HMCN1: variants seen among roughly 807,000 people sequenced by gnomAD.
HMCN1 encodes hemicentin 1, also known as hemicentin-1.
Under a neutral mutation model 625.9 loss-of-function variants are expected in HMCN1, and 321 were observed. The ratio of observed to expected loss-of-function variants is 0.51; its 90% CI spans 0.47 to 0.56. HMCN1 has a LOEUF of 0.56. HMCN1 is among the 20% of genes least tolerant of loss of function. The pLI is 0.00. For synonymous variants in HMCN1, 2,425 were observed against 2,417.6 expected, an observed-to-expected ratio of 1.00 and a Z score of -0.09; for missense variants, 6,588 against 6,887.3, an observed-to-expected ratio of 0.96 and a Z score of 1.54.
chr1:185,781,770 AT>A lies in HMCN1; in HGVS notation c.268+46724del, dbSNP rs1273112302. Among the ~76,000 whole-genome samples, 5 of 152,214 alleles carry A rather than the reference AT, an allele frequency of 3.3e-5. No homozygotes were observed. In the East Asian group the frequency reaches 9.6e-4, roughly 29 times the overall value. On this transcript the variant is annotated intron_variant, in intron 1 of 106. Transcript: ENST00000271588. ...GCCGTATAGTGCTTTTCTTCCAACT[AT>A]GTGGTCAATTTTGGAATAAGTGCGA...
At chr1:186,088,330 A>G in intron 62 of HMCN1, 54 bp downstream of exon 62, 1 of 1,609,962 alleles carries the variant, frequency 6.2e-7, no homozygotes, top group Non-Finnish European at 8.5e-7. Flanking sequence ...CTTGCTCTTA[A>G]TTCACTAGAC....
rs553763353 is a variant in HMCN1, at chr1:185,785,232, A to G, written c.268+50185A>G. ...ATAGGTATTGCCCAGGCTGCTTCTT[A>G]AAGTAAATTGATGACATTAGTGGAA... On this transcript the variant is annotated intron_variant, in intron 1 of 106. Coordinates refer to ENST00000271588, the MANE Select transcript of HMCN1 (RefSeq NM_031935.3). 9.2e-5 allele frequency among the ~76,000 whole-genome samples: 14 copies of G among 152,280 alleles called. No homozygotes were observed. In the South Asian group the frequency reaches 2.9e-3, roughly 32 times the overall value.
intron 4 of HMCN1, among the ~76,000 whole-genome samples, chr1:185,894,794 A>G (rs1476963332): frequency 6.6e-6 from 1 of 152,204 alleles, no homozygotes; most frequent in African/African-American, 2.4e-5. Flanking sequence ...ACAATTATAG[A>G]AGACAAGTAC....
chr1:185,767,566 A>G (rs1655954882), intron 1 of HMCN1, among the ~76,000 whole-genome samples: 2 of 152,248 alleles, frequency 1.3e-5, no homozygotes, highest in Admixed American at 1.3e-4. Flanking sequence ...TCCCCAGAGA[A>G]TAATTTTAAT....
rs1329101062 is a variant in HMCN1 at position 185,887,293 on chromosome 1, A to ATT, written c.621+21430_621+21431insTT. Among the ~76,000 whole-genome samples the ATT allele has an allele frequency of 5.3e-5, 8 of 151,928 alleles. No homozygotes were observed. In the East Asian group the frequency reaches 9.7e-4, roughly 18 times the overall value. On this transcript the variant is annotated intron_variant, in intron 4 of 106. Coordinates refer to ENST00000271588, the MANE Select transcript of HMCN1 (RefSeq NM_031935.3). ...AAATAATTCAATAGCTCTTAAATGA[A>ATT]ATTTATTTATTTATTTATTTTTTAT...
intron 4 of HMCN1, among the ~76,000 whole-genome samples, chr1:185,908,596 G>C (rs921574672): frequency 6.6e-6 from 1 of 151,770 alleles, no homozygotes; most frequent in Non-Finnish European, 1.5e-5. Flanking sequence ...AGTTTTTCTT[G>C]TTCACAATGA....
At chr1:185,920,293 C>T (rs1666939770) in intron 6 of HMCN1, among the ~76,000 whole-genome samples, 1 of 152,038 alleles carries the variant, frequency 6.6e-6, no homozygotes, top group African/African-American at 2.4e-5. Flanking sequence ...GTTTCCGTTA[C>T]CCTGGTTAGC....
chr1:186,092,984 G>GGT (rs1659923883), intron 64 of HMCN1, 150 bp from the exon 65 acceptor site: 1 of 894,342 alleles, frequency 1.1e-6, no homozygotes, highest in Non-Finnish European at 1.8e-6. Context: ...CTTATAAGGA[G>GGT]GTGGTAGATA....
chr1:185,954,350 G>A (rs1649463858), intron 11 of HMCN1, among the ~76,000 whole-genome samples: 1 of 152,118 alleles, frequency 6.6e-6, no homozygotes, highest in Non-Finnish European at 1.5e-5. Flanking sequence ...GTTTCGTTGT[G>A]AGAACTCAAG....
At position 186,078,140 on chromosome 1, in the gene HMCN1, TAGA is replaced by T; in HGVS notation, c.8523_8525del (p.Glu2841del). On this transcript the variant is annotated inframe_deletion, in exon 55 of 107. Coordinates refer to ENST00000271588, the MANE Select transcript of HMCN1 (RefSeq NM_031935.3). ...GTGTTGCAGATTCCTCGGGCTAAAG[TAGA>T]AGATGCTGGGAGATACACATGTGTG... The T allele has an allele frequency of 1.2e-6, 2 of 1,613,784 alleles. No individual in the cohort carries two copies. The highest frequency in any genetic ancestry group is 1.7e-6 in the Non-Finnish European group (2 of 1,179,816).
intron 6 of HMCN1, among the ~76,000 whole-genome samples, chr1:185,917,652 A>G (rs948177510): frequency 1.3e-5 from 2 of 152,210 alleles, no homozygotes; most frequent in Non-Finnish European, 2.9e-5. Flanking sequence ...TACAAAACCT[A>G]CACTTATCAC....
intron 1 of HMCN1, among the ~76,000 whole-genome samples, chr1:185,823,284 T>C (rs1660304348): frequency 6.6e-6 from 1 of 152,176 alleles, no homozygotes; most frequent in Non-Finnish European, 1.5e-5. Context: ...AAAAAGATAG[T>C]TCTTTTTCAT....
intron 19 of HMCN1, among the ~76,000 whole-genome samples, chr1:185,987,133 C>CAAA (rs551639173): frequency 8.0e-6 from 1 of 124,614 alleles, no homozygotes; most frequent in Non-Finnish European, 1.7e-5. Context: ...GGGTTTCCAG[C>CAAA]AAAAAAAAAA....
At chr1:185,987,590 G>C in intron 20 of HMCN1, 46 bp downstream of exon 20, 1 of 1,262,450 alleles carries the variant, frequency 7.9e-7, no homozygotes, top group Non-Finnish European at 1.2e-6. Context: ...AGAGTGTGAA[G>C]TTCACCTGCA....
intron 105 of HMCN1, among the ~76,000 whole-genome samples, chr1:186,187,037 C>CACAT (rs71101986): frequency 6.7e-6 from 1 of 148,292 alleles, no homozygotes; most frequent in Non-Finnish European, 1.5e-5. Context: ...CACACACACA[C>CACAT]GCATGCAAAC....
At chr1:186,045,639 C>A in intron 40 of HMCN1, 49 bp from the exon 41 acceptor site, 1 of 1,376,840 alleles carries the variant, frequency 7.3e-7, no homozygotes, top group Non-Finnish European at 1.0e-6. Flanking sequence ...TGAATGTAAA[C>A]AGTGTGCTGG....
intron 46 of HMCN1, among the ~76,000 whole-genome samples, chr1:186,060,461 T>C (rs1180369175): frequency 6.6e-6 from 1 of 152,094 alleles, no homozygotes; most frequent in Non-Finnish European, 1.5e-5. Context: ...GCAGGTTTTG[T>C]TTCATCTCAT....
intron 46 of HMCN1, among the ~76,000 whole-genome samples, chr1:186,059,719 T>A (rs566829154): frequency 1.2e-4 from 18 of 152,172 alleles, no homozygotes; most frequent in Admixed American, 2.0e-4. Context: ...AGTACTTTGG[T>A]GAAGACCCTA....
At chr1:186,160,091 A>C (rs1253364098) in intron 97 of HMCN1, among the ~76,000 whole-genome samples, 2 of 151,536 alleles carry the variant, frequency 1.3e-5, no homozygotes, top group East Asian at 3.9e-4. Context: ...TATTGCCACA[A>C]TTTCAGATCC....
Sources: gnomAD v4.1 joint callset for allele counts (sites outside exome capture counted in the v4.1 genomes callset) on GRCh38, gnomAD v4.1.1 for gene constraint, MANE v1.5 for transcripts, NCBI Gene and HGNC (gene_info 2026-07-23, HGNC 2026-07-21) for gene names.